Variants in RSPH6A observed in about 807,000 individuals in gnomAD.
RSPH6A encodes radial spoke head 6 homolog A.
RSPH6A carries 49 observed loss-of-function variants against 66.1 expected under a neutral mutation model. That is an observed-to-expected ratio of 0.74 (90% CI 0.59 to 0.94). The LOEUF is 0.94. RSPH6A is among the 40% of genes least tolerant of loss of function. RSPH6A has a pLI of 0.00. For synonymous variants in RSPH6A, 419 were observed against 402.4 expected, an observed-to-expected ratio of 1.04 and a Z score of -0.49; for missense variants, 977 against 948.3, an observed-to-expected ratio of 1.03 and a Z score of -0.40.
chr19:45,808,874 C>G (rs1244312820), intron 2 of RSPH6A, among the ~76,000 whole-genome samples: 1 of 151,514 alleles, frequency 6.6e-6, no homozygotes, highest in African/African-American at 2.4e-5. Context: ...ACCGTGTTAG[C>G]CAGGATGGTC....
intron 1 of RSPH6A, among the ~76,000 whole-genome samples, chr19:45,811,237 C>A (rs1970624057): frequency 1.3e-5 from 2 of 152,036 alleles, no homozygotes; most frequent in Admixed American, 1.3e-4. Flanking sequence ...CGTGATCTGC[C>A]CGCCTCAGCC....
intron 5 of RSPH6A, among the ~76,000 whole-genome samples, chr19:45,798,618 C>G (rs1459089838): frequency 6.7e-6 from 1 of 149,502 alleles, no homozygotes; most frequent in Non-Finnish European, 1.5e-5. Context: ...GTGGGCGGAT[C>G]ATGAGGTCAG....
At position 45,804,427 on chromosome 19, in the gene RSPH6A, T is replaced by G; in HGVS notation, c.1478A>C (p.Gln493Pro). The change falls in exon 3 of 6, where the codon CAG (glutamine) becomes CCG (proline). Residue 493 changes from glutamine (Q) to proline (P), a missense_variant. Physicochemically the swap from Gln to Pro is moderately conservative, Grantham distance 76. Coordinates refer to ENST00000221538, the MANE Select transcript of RSPH6A (RefSeq NM_030785.4). The surrounding 1 kb of genome is among the most constrained non-coding windows in gnomAD (Gnocchi z 5.8). ...CTGGTAGAAGCCCAGCGGGCTGACC[T>G]GCGTGGCGGCCGAGATGCGGGCTAT... Reference protein sequence around the residue: ...AQIARISAATQVSPLGFYQFS... With the variant: ...AQIARISAATPVSPLGFYQFS... 1 of 1,613,938 alleles carries G rather than the reference T, an allele frequency of 6.2e-7. No homozygotes were observed. The highest frequency in any genetic ancestry group is 8.5e-7 in the Non-Finnish European group (1 of 1,179,956).
intron 3 of RSPH6A, among the ~76,000 whole-genome samples, 173 bp from the exon 4 acceptor site, chr19:45,802,437 A>C (rs1970485357): frequency 6.6e-6 from 1 of 151,940 alleles, no homozygotes; most frequent in South Asian, 2.1e-4. Context: ...GGCTGACAGA[A>C]CTGCTGTGTT....
chr19:45,813,564 C>T (rs1338971258), intron 1 of RSPH6A, among the ~76,000 whole-genome samples: 1 of 152,138 alleles, frequency 6.6e-6, no homozygotes, highest in Non-Finnish European at 1.5e-5. Context: ...AGGCTGGTCT[C>T]GAACTCCTGA....
intron 2 of RSPH6A, among the ~76,000 whole-genome samples, chr19:45,807,455 T>C (rs565543064): frequency 6.6e-6 from 1 of 151,752 alleles, no homozygotes; most frequent in Non-Finnish European, 1.5e-5. Context: ...GATCTTGTGA[T>C]CCACCCACCT....
intron 5 of RSPH6A, among the ~76,000 whole-genome samples, chr19:45,798,184 C>T (rs1197322730): frequency 6.6e-6 from 1 of 151,726 alleles, no homozygotes; most frequent in African/African-American, 2.4e-5. Context: ...CATGGTGAAA[C>T]CCCATCTCTA....
intron 1 of RSPH6A, among the ~76,000 whole-genome samples, chr19:45,811,279 A>G (rs1284600926): frequency 6.6e-6 from 1 of 152,106 alleles, no homozygotes; most frequent in Non-Finnish European, 1.5e-5. Flanking sequence ...GGCGTGAGCC[A>G]CCGCGCCTTG....
chr19:45,811,233 C>G (rs1970623936), intron 1 of RSPH6A, among the ~76,000 whole-genome samples: 2 of 151,902 alleles, frequency 1.3e-5, no homozygotes, highest in Admixed American at 1.3e-4. Flanking sequence ...ACCTCGTGAT[C>G]TGCCCGCCTC....
At chr19:45,801,998 G>T in intron 4 of RSPH6A, 122 bp downstream of exon 4, 1 of 1,023,344 alleles carries the variant, frequency 9.8e-7, no homozygotes, top group Non-Finnish European at 1.3e-6. Flanking sequence ...TTTTTTAGCT[G>T]AGAGAGCCTC....
chr19:45,804,812 C>T lies in RSPH6A; in HGVS notation c.1093G>A (p.Gly365Ser). 3 of 1,614,160 alleles carry T rather than the reference C, an allele frequency of 1.9e-6. No individual in the cohort carries two copies. Among genetic ancestry groups the T allele is most frequent in the South Asian group, 2.2e-5 (2 of 91,080 alleles). ...YLVAEVEFRE[G>S]EEEAEEEEVE... ...TCCTCCTCCTCTGCCTCCTCCTCGCCCTCCCGGAATTCCACCTCGGCCACC... is the reference window on the plus strand; with the variant it reads ...TCCTCCTCCTCTGCCTCCTCCTCGCTCTCCCGGAATTCCACCTCGGCCACC... The change falls in exon 3 of 6, where the codon GGC becomes AGC. Residue 365 changes from glycine (G) to serine (S), a missense_variant. By Grantham distance (56) the Gly-to-Ser change is moderately conservative. Coordinates refer to ENST00000221538, the MANE Select transcript of RSPH6A (RefSeq NM_030785.4). This position sits in a 1 kb window ranked among gnomAD's most constrained non-coding sequence, Gnocchi z 5.8.
rs1421047743 is a variant in RSPH6A, at chr19:45,815,256, C to G, written c.-80G>C. ...AGCGAGAGCCACCTGTCGACACCGC[C>G]GGTTTCTGAGCACCGAGAGAGGGGG... On this transcript the variant is annotated 5_prime_UTR_variant, in exon 1 of 6. Transcript: ENST00000221538. 1 of 1,402,024 alleles carries G rather than the reference C, an allele frequency of 7.1e-7. No homozygotes were observed. Among genetic ancestry groups the G allele is most frequent in the African/African-American group, 1.5e-5 (1 of 68,938 alleles). 86.8% of individuals were successfully genotyped at this position (1,402,024 alleles called of 1,614,324 possible).
At chr19:45,806,516 C>T (rs1178589504) in intron 2 of RSPH6A, among the ~76,000 whole-genome samples, 1 of 151,288 alleles carries the variant, frequency 6.6e-6, no homozygotes, top group Non-Finnish European at 1.5e-5. Context: ...ACTAAAAATA[C>T]AAAAATTAGC....
chr19:45,802,189 C>G lies in RSPH6A; in HGVS notation c.1729G>C (p.Asp577His). 1 of 1,555,158 alleles carries G rather than the reference C, an allele frequency of 6.4e-7. No homozygotes were observed. The highest frequency in any genetic ancestry group is 1.2e-5 in the South Asian group (1 of 83,654). Residue 577 changes from aspartate to histidine, a missense_variant, in exon 4 of 6, where the codon GAT becomes CAT. Asp to His is a moderately conservative substitution (Grantham distance 81, BLOSUM62 -1). Coordinates refer to ENST00000221538, the MANE Select transcript of RSPH6A (RefSeq NM_030785.4). The part of the protein sequence containing the change: ...EDLGEEEEKA[D>H]EGPEEVEQEV... Reference sequence around the variant, plus strand: ...TGCTCCACCTCCTCTGGCCCCTCATCTGCCTTCTCTTCCTCCTCCCCCAGG... The same window carrying G: ...TGCTCCACCTCCTCTGGCCCCTCATGTGCCTTCTCTTCCTCCTCCCCCAGG...
rs777162569 is a variant in RSPH6A, at chr19:45,795,837, C to T, written c.*32G>A. ...CCTCTAAGGGGAAATTTGCTATCTA[C>T]CTGCTTGGGGAAAGTGGCTAGAGGG... On this transcript the variant is annotated 3_prime_UTR_variant, in exon 6 of 6. Coordinates refer to ENST00000221538, the MANE Select transcript of RSPH6A (RefSeq NM_030785.4). 6.4e-7 allele frequency: 1 copy of T among 1,570,390 alleles called. No individual in the cohort carries two copies. The highest frequency in any genetic ancestry group is 8.7e-7 in the Non-Finnish European group (1 of 1,155,196).
Position 45,796,032 on chromosome 19 carries a change from GGGGCTGGCA to G in RSPH6A, c.1982_1990del (p.Leu661_Ala663del). 4 of 1,613,764 alleles carry G rather than the reference GGGGCTGGCA, an allele frequency of 2.5e-6. No individual in the cohort carries two copies. Among genetic ancestry groups the G allele is most frequent in the Non-Finnish European group, 3.4e-6 (4 of 1,179,812 alleles). ...GCCACTGGGGTACTCTTGTTGAATG[GGGGCTGGCA>G]GGGCCGGGTTGAAGCTCTCGGGGCT... is the stretch of plus-strand genomic sequence containing the variant. On this transcript the variant is annotated inframe_deletion, in exon 6 of 6. Transcript: ENST00000221538.
chr19:45,810,461 C>A (rs1447859683), intron 2 of RSPH6A, 142 bp downstream of exon 2: 1 of 807,716 alleles, frequency 1.2e-6, no homozygotes, highest in Non-Finnish European at 2.1e-6. Context: ...TAAGCCACCC[C>A]ATCCTGCCAA....
Position 45,804,258 on chromosome 19 carries a change from C to A in RSPH6A, c.1647G>T (p.Leu549=). ...ANWVHHTQHI[L]PQGRCTWVNP... ...CGGGAGTCCCGGCGCTCACCTGCGGCAGGATGTGCTGTGTGTGATGCACCC... is the reference window on the plus strand; with the variant it reads ...CGGGAGTCCCGGCGCTCACCTGCGGAAGGATGTGCTGTGTGTGATGCACCC... The change falls in exon 3 of 6, where the codon CTG becomes CTT. Residue 549 remains leucine (L), a synonymous_variant. Transcript: ENST00000221538. The surrounding 1 kb of genome is among the most constrained non-coding windows in gnomAD (Gnocchi z 5.8). 1 of 1,601,092 alleles carries A rather than the reference C, an allele frequency of 6.2e-7. No homozygotes were observed. Among genetic ancestry groups the A allele is most frequent in the Non-Finnish European group, 8.5e-7 (1 of 1,170,360 alleles).
intron 5 of RSPH6A, among the ~76,000 whole-genome samples, chr19:45,798,024 A>G (rs902216288): frequency 1.3e-5 from 2 of 152,110 alleles, no homozygotes; most frequent in African/African-American, 4.8e-5. Context: ...GAGGAAAGGG[A>G]GGGGACTAAG....
Sources: allele counts gnomAD v4.1 joint callset (sites outside exome capture counted in the v4.1 genomes callset), GRCh38; gene constraint gnomAD v4.1.1; non-coding constraint Gnocchi (gnomAD v3.1); transcripts MANE v1.5; gene names NCBI Gene and HGNC (gene_info 2026-07-23, HGNC 2026-07-21).